Variants in PKNOX2 observed in about 807,000 individuals in gnomAD.
PKNOX2 encodes PBX/knotted 1 homeobox 2.
PKNOX2 carries 14 observed loss-of-function variants against 53.1 expected under a neutral mutation model. The ratio of observed to expected loss-of-function variants is 0.26; its 90% CI spans 0.17 to 0.41. The LOEUF (loss-of-function observed/expected upper bound fraction) is 0.41. Ranked by LOEUF, PKNOX2 falls within the 10% of genes least tolerant of loss-of-function variation. The probability of loss-of-function intolerance (pLI) is 1.00; values close to 1 mark genes in which losing one functional copy is unlikely to be tolerated. For missense variants in PKNOX2, 496 were observed against 602.8 expected, an observed-to-expected ratio of 0.82 and a Z score of 1.85; for synonymous variants, 257 against 242.8, an observed-to-expected ratio of 1.06 and a Z score of -0.54.
chr11:125,344,284 G>C (rs945410227), intron 3 of PKNOX2, among the ~76,000 whole-genome samples: 1 of 152,222 alleles, frequency 6.6e-6, no homozygotes, highest in Non-Finnish European at 1.5e-5. Context: ...ACAGTAAAAT[G>C]GTCTTGGGAG....
chr11:125,301,776 A>G (rs916536938), intron 2 of PKNOX2, among the ~76,000 whole-genome samples: 3 of 152,186 alleles, frequency 2.0e-5, no homozygotes, highest in African/African-American at 7.2e-5. Context: ...AGGAGACAGA[A>G]GTGATTTTCT....
intron 1 of PKNOX2, among the ~76,000 whole-genome samples, chr11:125,204,995 T>G (rs971779258): frequency 6.6e-6 from 1 of 152,228 alleles, no homozygotes; most frequent in Non-Finnish European, 1.5e-5. Context: ...TTGCGCACAG[T>G]GGTTGTTGAC....
Position 125,262,188 on chromosome 11 carries a change from G to C in PKNOX2, c.-130+27073G>C, listed in dbSNP as rs534446518. 6.3e-4 allele frequency among the ~76,000 whole-genome samples: 96 copies of C among 152,334 alleles called. 3 individuals carry two copies. In the South Asian group the frequency reaches 0.019, roughly 31 times the overall value. On this transcript the variant is annotated intron_variant, in intron 2 of 12. Transcript: ENST00000298282. ...TAGATGAGGAAGGGCTGAAGAGTAG[G>C]GGCCAGACAGTGAGACAGTGGAGGC...
rs566631740 is a variant in PKNOX2, at chr11:125,212,113, G to A, written c.-200-22932G>A. 2.2e-4 allele frequency among the ~76,000 whole-genome samples: 34 copies of A among 152,224 alleles called. 1 individual carries two copies. The highest frequency in any genetic ancestry group is 7.5e-4 in the African/African-American group (31 of 41,570). The stretch of plus-strand genomic sequence containing the variant: ...GATTAAGTACATTTGAAAGCAAGAG[G>A]AGACTGTCTGAAATTGCTCACAATA... On this transcript the variant is annotated intron_variant, in intron 1 of 12. Coordinates refer to ENST00000298282, the MANE Select transcript of PKNOX2 (RefSeq NM_001382323.2).
chr11:125,176,114 G>A (rs969100406), intron 1 of PKNOX2, among the ~76,000 whole-genome samples: 12 of 152,256 alleles, frequency 7.9e-5, no homozygotes, highest in South Asian at 6.2e-4. Flanking sequence ...CTGAGCGCCC[G>A]GTGGTTTTGC....
chr11:125,411,081 G>T, intron 9 of PKNOX2: 1 of 529,608 alleles, frequency 1.9e-6, no homozygotes, highest in South Asian at 2.2e-5. Flanking sequence ...TCCCTCCTGG[G>T]GTTACATCAA....
In PKNOX2 at chr11:125,385,475, GC is replaced by G; in HGVS notation, c.228-74del. On this transcript the variant is annotated intron_variant, in intron 5 of 12. Coordinates refer to ENST00000298282, the MANE Select transcript of PKNOX2 (RefSeq NM_001382323.2). ...AAGTGAGGGGAACGTGGGCAGGGGA[GC>G]CTGGTGGCTTCTGAGCACAGGTAGC... 4 of 1,476,500 alleles carry G rather than the reference GC, an allele frequency of 2.7e-6. No homozygotes were observed. In the Admixed American group the frequency reaches 9.5e-5, roughly 35 times the overall value. 91.5% of individuals were successfully genotyped at this position (1,476,500 alleles called of 1,614,324 possible).
chr11:125,168,734 C>T (rs536357511), intron 1 of PKNOX2, among the ~76,000 whole-genome samples: 49 of 152,340 alleles, frequency 3.2e-4, no homozygotes, highest in African/African-American at 1.1e-3. Flanking sequence ...GACCTGACTT[C>T]TTTACCTTCC....
At chr11:125,355,274 AAAG>A (rs371630950) in intron 4 of PKNOX2, among the ~76,000 whole-genome samples, 5 of 141,850 alleles carry the variant, frequency 3.5e-5, no homozygotes, top group East Asian at 4.5e-4. Flanking sequence ...CTCAAAAAAA[AAAG>A]AAAAAAAAAA....
intron 2 of PKNOX2, among the ~76,000 whole-genome samples, chr11:125,293,622 TC>T (rs1177079092): frequency 6.6e-6 from 1 of 152,206 alleles, no homozygotes; most frequent in East Asian, 1.9e-4. Context: ...CCAGAAGACA[TC>T]CCTGTTTGTC....
At chr11:125,185,983 A>G (rs1417431635) in intron 1 of PKNOX2, among the ~76,000 whole-genome samples, 1 of 152,012 alleles carries the variant, frequency 6.6e-6, no homozygotes, top group Non-Finnish European at 1.5e-5. Flanking sequence ...ACTATTTTAC[A>G]TTCCCACCAG....
chr11:125,395,788 G>A (rs1352018511), intron 6 of PKNOX2, among the ~76,000 whole-genome samples: 1 of 151,988 alleles, frequency 6.6e-6, no homozygotes, highest in Non-Finnish European at 1.5e-5. Flanking sequence ...TTATTTTACT[G>A]TTTTGTTTTG....
chr11:125,274,048 G>C (rs1005794806), intron 2 of PKNOX2, among the ~76,000 whole-genome samples: 4 of 152,226 alleles, frequency 2.6e-5, no homozygotes, highest in African/African-American at 9.6e-5. Context: ...TGGAACCACA[G>C]GTTAGAGTTG....
chr11:125,192,859 T>G (rs148921987), intron 1 of PKNOX2, among the ~76,000 whole-genome samples: 1 of 152,180 alleles, frequency 6.6e-6, no homozygotes, highest in East Asian at 1.9e-4. Context: ...GGGAAAGAAA[T>G]CAAAAGAAGC....
At chr11:125,299,063 G>A (rs1947854186) in intron 2 of PKNOX2, among the ~76,000 whole-genome samples, 1 of 152,112 alleles carries the variant, frequency 6.6e-6, no homozygotes, top group African/African-American at 2.4e-5. Flanking sequence ...GGAGGCCTCT[G>A]GGAGCTTTTA....
intron 1 of PKNOX2, among the ~76,000 whole-genome samples, chr11:125,173,623 T>G (rs1408139619): frequency 1.3e-5 from 2 of 152,238 alleles, no homozygotes; most frequent in Non-Finnish European, 2.9e-5. Flanking sequence ...GTTTTTTACT[T>G]CCACAAAGTC....
chr11:125,300,500 G>A (rs953018207), intron 2 of PKNOX2, among the ~76,000 whole-genome samples: 1 of 152,140 alleles, frequency 6.6e-6, no homozygotes, highest in African/African-American at 2.4e-5. Context: ...TGGCATTTTG[G>A]TTCCCAAGCC....
At chr11:125,334,754 A>G (rs1049945289) in intron 3 of PKNOX2, among the ~76,000 whole-genome samples, 1 of 150,214 alleles carries the variant, frequency 6.7e-6, no homozygotes, top group African/African-American at 2.5e-5. Flanking sequence ...GCACACCTCC[A>G]TGCTGGACTG....
intron 1 of PKNOX2, among the ~76,000 whole-genome samples, chr11:125,175,927 G>A (rs980730147): frequency 3.9e-5 from 6 of 152,182 alleles, no homozygotes; most frequent in Admixed American, 3.3e-4. Context: ...GAGAAAATTG[G>A]TTGGCACAGA....
Sources: gnomAD v4.1 joint callset for allele counts (sites outside exome capture counted in the v4.1 genomes callset) on GRCh38, gnomAD v4.1.1 for gene constraint, MANE v1.5 for transcripts, NCBI Gene and HGNC (gene_info 2026-07-23, HGNC 2026-07-21) for gene names.